UBAP2: variants seen among roughly 807,000 people sequenced by gnomAD.
UBAP2 encodes the protein ubiquitin-associated protein 2.
A neutral mutation model predicts 139.6 loss-of-function variants in UBAP2; 75 were observed. The observed-to-expected ratio is 0.54, with a 90% CI of 0.45 to 0.65. The LOEUF (loss-of-function observed/expected upper bound fraction) is 0.65. Ranked by LOEUF, UBAP2 falls within the 30% of genes least tolerant of loss-of-function variation. UBAP2 has a pLI of 0.00. For synonymous variants in UBAP2, 526 were observed against 526.2 expected (o/e 1.00, Z 0.01); for missense variants, 1,368 against 1,369.6 (o/e 1.00, Z 0.02).
At chr9:33,978,039 C>CTGATCTGT (rs1820310738) in intron 6 of UBAP2, among the ~76,000 whole-genome samples, 1 of 140,984 alleles carries the variant, frequency 7.1e-6, no homozygotes, top group Non-Finnish European at 1.5e-5. Context: ...AAAAAAAAGA[C>CTGATCTGT]TGATCTGTAA....
intron 2 of UBAP2, among the ~76,000 whole-genome samples, chr9:33,999,076 G>A (rs1822451277): frequency 6.6e-6 from 1 of 152,126 alleles, no homozygotes; most frequent in African/African-American, 2.4e-5. Context: ...CCATTCCTTT[G>A]ACCAAACGAC....
At chr9:33,963,603 G>C in intron 9 of UBAP2, 123 bp downstream of exon 9, 1 of 573,488 alleles carries the variant, frequency 1.7e-6, no homozygotes, top group Non-Finnish European at 3.0e-6. Flanking sequence ...CAAATAAATA[G>C]GTATAGTTTA....
chr9:33,985,953 G>A (rs1192385965), intron 6 of UBAP2, among the ~76,000 whole-genome samples: 1 of 152,016 alleles, frequency 6.6e-6, no homozygotes, highest in Non-Finnish European at 1.5e-5. Flanking sequence ...CCCAGGAGGT[G>A]GAGGTTGCAG....
chr9:33,989,203 CTTTTT>C (rs34957423), intron 4 of UBAP2, 77 bp from the exon 5 acceptor site: 2,091 of 1,184,914 alleles, frequency 1.8e-3, no homozygotes, highest in South Asian at 2.0e-3. Context: ...ATGTATCTTT[CTTTTT>C]TTTTTTTTTT....
At chr9:33,989,933 T>TA (rs2131150424) in intron 4 of UBAP2, among the ~76,000 whole-genome samples, 1 of 152,292 alleles carries the variant, frequency 6.6e-6, no homozygotes, top group South Asian at 2.1e-4. Context: ...GGTGGGTTTT[T>TA]AAAAAATTTA....
chr9:33,924,718 G>C (rs569829035), intron 22 of UBAP2, among the ~76,000 whole-genome samples: 1 of 152,202 alleles, frequency 6.6e-6, no homozygotes, highest in South Asian at 2.1e-4. Flanking sequence ...ACAGGGGGCA[G>C]TGCCAGGTAG....
chr9:33,953,153 G>T, intron 12 of UBAP2, 132 bp downstream of exon 12: 2 of 861,754 alleles, frequency 2.3e-6, no homozygotes, highest in Non-Finnish European at 3.4e-6. Context: ...ACAGGCATGA[G>T]CCATCATGCC....
intron 13 of UBAP2, among the ~76,000 whole-genome samples, chr9:33,947,476 T>C (rs1047908564): frequency 6.6e-6 from 1 of 152,174 alleles, no homozygotes; most frequent in African/African-American, 2.4e-5. Context: ...GATGAAATCA[T>C]AGTTGATACT....
At chr9:34,038,496 G>A (rs1447428874) in intron 1 of UBAP2, among the ~76,000 whole-genome samples, 2 of 152,216 alleles carry the variant, frequency 1.3e-5, no homozygotes, top group Non-Finnish European at 2.9e-5. Flanking sequence ...TGTTGGCCGG[G>A]CTGGTCTCCA....
chr9:34,011,363 G>A (rs1823736643), intron 2 of UBAP2, among the ~76,000 whole-genome samples: 1 of 152,034 alleles, frequency 6.6e-6, no homozygotes, highest in Non-Finnish European at 1.5e-5. Flanking sequence ...TTTCTCTTCA[G>A]TAATATCTTT....
intron 2 of UBAP2, among the ~76,000 whole-genome samples, chr9:34,003,528 C>T (rs1447763536): frequency 2.0e-5 from 3 of 151,672 alleles, no homozygotes; most frequent in Non-Finnish European, 1.5e-5. Context: ...GCCTCAGCCT[C>T]CCCAGTAGCT....
chr9:34,033,142 G>A (rs912336351), intron 1 of UBAP2, among the ~76,000 whole-genome samples: 4 of 152,162 alleles, frequency 2.6e-5, no homozygotes, highest in African/African-American at 9.7e-5. Flanking sequence ...AGGGAAATCA[G>A]TATATTGAAG....
chr9:33,980,655 A>T (rs1022410621), intron 6 of UBAP2, among the ~76,000 whole-genome samples: 1 of 152,078 alleles, frequency 6.6e-6, no homozygotes, highest in African/African-American at 2.4e-5. Flanking sequence ...CATTCAAAAC[A>T]AAGTTAAATG....
In UBAP2 at chr9:33,986,777, T is replaced by C. The variant is rs751491007; in HGVS notation, c.503A>G (p.Lys168Arg). ...NQVDKPSDRG[K>R]RARGRGFGRG... is the part of the protein sequence containing the mutation. ...TAGCTTACCTCTACCCCGGGCTCGC[T>C]TGCCACGATCTGAAGGTTTGTCCAC... Residue 168 changes from lysine (K) to arginine (R), a missense_variant, in exon 6 of 29, where the codon AAG becomes AGG. Physicochemically the swap from Lys to Arg is conservative, Grantham distance 26 (BLOSUM62 2). Coordinates refer to ENST00000379238, the MANE Select transcript of UBAP2 (RefSeq NM_001370062.2). The C allele has an allele frequency of 3.1e-6, 5 of 1,614,108 alleles. No homozygotes were observed. The South Asian group carries it at 4.4e-5, about 14-fold the overall frequency.
intron 6 of UBAP2, among the ~76,000 whole-genome samples, chr9:33,976,462 C>G (rs1828353450): frequency 6.6e-6 from 1 of 152,148 alleles, no homozygotes; most frequent in South Asian, 2.1e-4. Context: ...ATTCCATTTA[C>G]AGGAAATGTC....
At chr9:34,005,644 T>C (rs1823140597) in intron 2 of UBAP2, among the ~76,000 whole-genome samples, 1 of 96,024 alleles carries the variant, frequency 1.0e-5, no homozygotes, top group African/African-American at 3.4e-5. Flanking sequence ...ATTTTTTTCC[T>C]GTAAAAAGGA....
At chr9:33,941,931 T>C (rs1480906451) in intron 15 of UBAP2, 69 bp from the exon 16 acceptor site, 34 of 992,168 alleles carry the variant, frequency 3.4e-5, no homozygotes, top group Non-Finnish European at 5.2e-5. Context: ...AAAAAAAACA[T>C]AAACAGCTTC....
Position 33,948,477 on chromosome 9 carries a change from G to A in UBAP2, c.1167C>T (p.Thr389=), listed in dbSNP as rs772001176. ...QLKAPSLGQF[T]TTPSTQQNST... Reference sequence around the variant, plus strand: ...TATTCTGCTGTGTACTTGGGGTGGTGGTAAACTGGCCCAAACTCGGAGCTT... The same window carrying A: ...TATTCTGCTGTGTACTTGGGGTGGTAGTAAACTGGCCCAAACTCGGAGCTT... The change falls in exon 13 of 29, where the codon ACC becomes ACT. Residue 389 remains threonine (T), a synonymous_variant. Coordinates refer to ENST00000379238, the MANE Select transcript of UBAP2 (RefSeq NM_001370062.2). The A allele has an allele frequency of 3.1e-6, 5 of 1,614,048 alleles. No homozygotes were observed. Among genetic ancestry groups the A allele is most frequent in the Non-Finnish European group, 4.2e-6 (5 of 1,180,036 alleles).
At chr9:34,036,049 A>G (rs1370879642) in intron 1 of UBAP2, among the ~76,000 whole-genome samples, 1 of 152,138 alleles carries the variant, frequency 6.6e-6, no homozygotes, top group Non-Finnish European at 1.5e-5. Flanking sequence ...TAATAAAACT[A>G]AACTCTGAAT....
Sources: gnomAD v4.1 joint callset for allele counts (sites outside exome capture counted in the v4.1 genomes callset) on GRCh38, gnomAD v4.1.1 for gene constraint, MANE v1.5 for transcripts, NCBI Gene and HGNC (gene_info 2026-07-23, HGNC 2026-07-21) for gene names.